CGNL1: variants seen among roughly 807,000 people sequenced by gnomAD.
CGNL1 encodes cingulin like 1.
Under a neutral mutation model 141.2 loss-of-function variants are expected in CGNL1, and 132 were observed. The ratio of observed to expected loss-of-function variants is 0.93; its 90% CI spans 0.81 to 1.08. The LOEUF is 1.08. CGNL1 is among the 50% of genes least tolerant of loss of function. The pLI is 0.00. For synonymous variants in CGNL1, 690 were observed against 622.1 expected, an observed-to-expected ratio of 1.11 and a Z score of -1.63; for missense variants, 1,870 against 1,588.6, an observed-to-expected ratio of 1.18 and a Z score of -3.01.
chr15:57,444,257 G>A (rs1429381455), intron 4 of CGNL1, among the ~76,000 whole-genome samples: 2 of 151,962 alleles, frequency 1.3e-5, no homozygotes, highest in African/African-American at 4.8e-5. Context: ...ATTCATTAGT[G>A]TTGCATGTAC....
intron 1 of CGNL1, among the ~76,000 whole-genome samples, chr15:57,418,458 T>C (rs1414819247): frequency 6.6e-6 from 1 of 152,188 alleles, no homozygotes; most frequent in East Asian, 1.9e-4. Flanking sequence ...ATCATGTCTG[T>C]CTTGGAGAAG....
At chr15:57,464,280 G>A (rs534607092) in intron 8 of CGNL1, among the ~76,000 whole-genome samples, 8 of 152,142 alleles carry the variant, frequency 5.3e-5, no homozygotes, top group Non-Finnish European at 8.8e-5. Flanking sequence ...GAGAATGCTG[G>A]GCCCATGTTG....
chr15:57,440,065 T>C lies in CGNL1; in HGVS notation c.1603-312T>C, dbSNP rs569061134. Among the ~76,000 whole-genome samples, 11 of 151,670 alleles carry C rather than the reference T, an allele frequency of 7.3e-5. No homozygotes were observed. The South Asian group carries it at 2.3e-3, about 32-fold the overall frequency. On this transcript the variant is annotated intron_variant, in intron 2 of 18. Transcript: ENST00000281282. ...GTGAGAATCTAAGTGGCACATTTAG[T>C]GTTTTGATAGTAACAATAAAAAATA...
chr15:57,544,839 C>T (rs1179819289), intron 16 of CGNL1, among the ~76,000 whole-genome samples: 3 of 152,134 alleles, frequency 2.0e-5, no homozygotes, highest in African/African-American at 7.2e-5. Context: ...AGTTTAGGAC[C>T]CCCACTTCTC....
At chr15:57,502,701 T>C (rs1310048822) in intron 8 of CGNL1, among the ~76,000 whole-genome samples, 2 of 152,228 alleles carry the variant, frequency 1.3e-5, no homozygotes, top group Admixed American at 6.5e-5. Context: ...ATTTCACTTA[T>C]GAACATGTTG....
chr15:57,467,470 T>C (rs1237843892), intron 8 of CGNL1, among the ~76,000 whole-genome samples: 2 of 151,780 alleles, frequency 1.3e-5, no homozygotes, highest in Non-Finnish European at 2.9e-5. Flanking sequence ...GTGGAGAAAA[T>C]GAAGTTAAGG....
chr15:57,442,533 A>C, intron 4 of CGNL1, 55 bp downstream of exon 4: 1 of 1,103,072 alleles, frequency 9.1e-7, no homozygotes, highest in Non-Finnish European at 1.4e-6. Context: ...TGTGGTAAAC[A>C]ACTTGCTGTT....
intron 8 of CGNL1, among the ~76,000 whole-genome samples, chr15:57,516,158 CAAAAAAA>C (rs10559176): frequency 2.7e-5 from 2 of 73,274 alleles, no homozygotes; most frequent in African/African-American, 5.3e-5. Flanking sequence ...GACTCTGTCT[CAAAAAAA>C]AAAAAAAAAA....
intron 8 of CGNL1, among the ~76,000 whole-genome samples, chr15:57,505,743 C>T (rs549654713): frequency 4.6e-5 from 7 of 152,126 alleles, no homozygotes; most frequent in South Asian, 2.1e-4. Context: ...GTGGGGCAAA[C>T]GGAAAAGTTG....
chr15:57,379,474 T>C (rs1316428256), intron 1 of CGNL1, among the ~76,000 whole-genome samples: 3 of 152,320 alleles, frequency 2.0e-5, no homozygotes, highest in African/African-American at 7.2e-5. Flanking sequence ...CTTCCTTTTT[T>C]TCTTTGTTTA....
At chr15:57,421,021 C>G (rs1358599222) in intron 1 of CGNL1, among the ~76,000 whole-genome samples, 4 of 152,120 alleles carry the variant, frequency 2.6e-5, no homozygotes, top group African/African-American at 9.7e-5. Context: ...AAGATGGGAT[C>G]TTTGGGAGGT....
intron 13 of CGNL1, among the ~76,000 whole-genome samples, chr15:57,529,567 C>T (rs1429327781): frequency 2.7e-5 from 1 of 36,908 alleles, no homozygotes; most frequent in African/African-American, 6.0e-5. Context: ...GAAACACACA[C>T]ACACACACAC....
intron 16 of CGNL1, among the ~76,000 whole-genome samples, chr15:57,544,981 A>G (rs1292639768): frequency 6.6e-6 from 1 of 152,174 alleles, no homozygotes; most frequent in Non-Finnish European, 1.5e-5. Flanking sequence ...GGCCAGGTGT[A>G]TTTAAGCAGA....
intron 1 of CGNL1, 111 bp from the exon 2 acceptor site, chr15:57,437,874 T>C: frequency 1.9e-6 from 2 of 1,058,418 alleles, no homozygotes. Context: ...GTTTAAAATG[T>C]CTTGTTTTCT....
chr15:57,444,360 T>A (rs2063226631), intron 4 of CGNL1, among the ~76,000 whole-genome samples: 1 of 152,204 alleles, frequency 6.6e-6, no homozygotes, highest in South Asian at 2.1e-4. Flanking sequence ...TTGGGGCTAT[T>A]AGGAATAAAG....
intron 1 of CGNL1, among the ~76,000 whole-genome samples, chr15:57,410,456 C>T (rs1210237990): frequency 6.6e-6 from 1 of 152,096 alleles, no homozygotes; most frequent in Non-Finnish European, 1.5e-5. Flanking sequence ...GGGCTGACTG[C>T]CATCATCTCT....
intron 4 of CGNL1, among the ~76,000 whole-genome samples, chr15:57,450,449 G>C (rs1220109508): frequency 6.6e-6 from 1 of 152,128 alleles, no homozygotes; most frequent in Non-Finnish European, 1.5e-5. Context: ...GCTAATTTTT[G>C]TATTTTTAGC....
At chr15:57,444,060 A>G (rs1253331187) in intron 4 of CGNL1, among the ~76,000 whole-genome samples, 2 of 152,230 alleles carry the variant, frequency 1.3e-5, no homozygotes, top group Non-Finnish European at 2.9e-5. Context: ...ATCAAGATGC[A>G]GAACACTCCC....
chr15:57,493,095 C>T (rs553257413), intron 8 of CGNL1, among the ~76,000 whole-genome samples: 5 of 152,244 alleles, frequency 3.3e-5, no homozygotes, highest in African/African-American at 1.2e-4. Flanking sequence ...AGATAAAGAA[C>T]ATAATAAATA....
Sources: gnomAD v4.1 joint callset for allele counts (sites outside exome capture counted in the v4.1 genomes callset) on GRCh38, gnomAD v4.1.1 for gene constraint, MANE v1.5 for transcripts, NCBI Gene and HGNC (gene_info 2026-07-23, HGNC 2026-07-21) for gene names.